Variants in CUBN observed in about 807,000 individuals in gnomAD.
CUBN encodes the protein 460 kDa receptor.
A neutral mutation model predicts 405.3 loss-of-function variants in CUBN; 282 were observed. The observed-to-expected ratio is 0.70, with a 90% confidence interval of 0.63 to 0.77. The LOEUF (loss-of-function observed/expected upper bound fraction) is 0.77. Among genes scored for constraint, CUBN ranks in the 30% least tolerant of loss-of-function variants. The pLI is 0.00. For missense variants in CUBN, 4,514 were observed against 4,475.2 expected (o/e 1.01, Z -0.25); for synonymous variants, 1,684 against 1,617.0 (o/e 1.04, Z -0.99).
At position 17,068,310 on chromosome 10, in the gene CUBN, G is replaced by C. The variant is rs773772654; in HGVS notation, c.2792-30C>G. On this transcript the variant is annotated intron_variant, in intron 20 of 66. Transcript: ENST00000377833. ...TGAAATAAAAATTATAATTACTGCA[G>C]CAAGTAACCAAGCTACCTGGATTTC... The C allele has an allele frequency of 6.3e-6, 10 of 1,596,610 alleles. No homozygotes were observed. The South Asian group carries it at 1.1e-4, about 18-fold the overall frequency.
chr10:17,044,808 C>T (rs1344654986), intron 25 of CUBN, among the ~76,000 whole-genome samples, 199 bp downstream of exon 25: 2 of 152,124 alleles, frequency 1.3e-5, no homozygotes, highest in Non-Finnish European at 2.9e-5. Context: ...ATTTTAAATA[C>T]TTAGTGTATC....
chr10:16,878,069 C>T (rs1401800404), intron 56 of CUBN, among the ~76,000 whole-genome samples: 2 of 152,194 alleles, frequency 1.3e-5, no homozygotes, highest in East Asian at 3.9e-4. Flanking sequence ...GGGCGGATCA[C>T]CTGAGTTCAG....
intron 56 of CUBN, among the ~76,000 whole-genome samples, chr10:16,885,107 T>C (rs1456992443): frequency 3.3e-5 from 5 of 152,230 alleles, no homozygotes; most frequent in African/African-American, 4.8e-5. Context: ...ACTTTTACTG[T>C]AGCTAGCGAA....
rs143903627 is a variant in CUBN, at chr10:16,891,948, T to G, written c.8599-1421A>C. ...ACAACTATCTCAAACAAGGATGTAGTTGGATGTGTATTAATCTTACTTGAC... is the reference window on the plus strand; with the variant it reads ...ACAACTATCTCAAACAAGGATGTAGGTGGATGTGTATTAATCTTACTTGAC... On this transcript the variant is annotated intron_variant, in intron 54 of 66. Coordinates refer to ENST00000377833, the MANE Select transcript of CUBN (RefSeq NM_001081.4). Among the ~76,000 whole-genome samples the G allele has an allele frequency of 9.9e-4, 151 of 152,278 alleles. 2 individuals carry two copies. The highest frequency in any genetic ancestry group is 3.5e-3 in the African/African-American group (145 of 41,544).
intron 31 of CUBN, among the ~76,000 whole-genome samples, chr10:16,966,761 T>C (rs1366350619): frequency 6.6e-6 from 1 of 152,208 alleles, no homozygotes; most frequent in Non-Finnish European, 1.5e-5. Flanking sequence ...CTTTGCTACA[T>C]TTTTAACTCC....
intron 28 of CUBN, among the ~76,000 whole-genome samples, chr10:17,004,552 A>G (rs889847666): frequency 6.6e-6 from 1 of 152,126 alleles, no homozygotes; most frequent in Non-Finnish European, 1.5e-5. Context: ...TAATGGCACC[A>G]CCATGCACCA....
At chr10:16,883,425 T>C (rs1294321918) in intron 56 of CUBN, among the ~76,000 whole-genome samples, 1 of 152,180 alleles carries the variant, frequency 6.6e-6, no homozygotes, top group Non-Finnish European at 1.5e-5. Context: ...TGCCCACTTT[T>C]TTCTAAAGTA....
In CUBN at chr10:16,998,423, CA is replaced by C. The variant is rs148069200; in HGVS notation, c.4169-7909del. On this transcript the variant is annotated intron_variant, in intron 28 of 66. Coordinates refer to ENST00000377833, the MANE Select transcript of CUBN (RefSeq NM_001081.4). The stretch of plus-strand genomic sequence containing the variant: ...AAAGCCAAAGACAGCCATCAATCAA[CA>C]GAAGCTAGAAGCAGCAAGGAAGGGT... 5.5e-3 allele frequency among the ~76,000 whole-genome samples: 837 copies of C among 152,310 alleles called. 11 individuals are homozygous for C. The highest frequency in any genetic ancestry group is 0.019 in the African/African-American group (805 of 41,562).
rs141748719 is a variant in CUBN at position 16,906,404 on chromosome 10, C to T, written c.7711G>A (p.Gly2571Ser). The T allele has an allele frequency of 9.6e-5, 154 of 1,611,552 alleles. 1 individual carries two copies. Among genetic ancestry groups the T allele is most frequent in the South Asian group, 1.6e-4 (15 of 91,016 alleles). ...SYTSSEDAVC[G>S]GSLPNTPEGN... Reference sequence around the variant, plus strand: ...TCAGGAGTATTTGGAAGAGACCCACCACACACTAAGAAAACAGAAGGCAAC... The same window carrying T: ...TCAGGAGTATTTGGAAGAGACCCACTACACACTAAGAAAACAGAAGGCAAC... Residue 2571 changes from glycine (G) to serine (S), a missense_variant, in exon 50 of 67, where the codon GGT becomes AGT. Coordinates refer to ENST00000377833, the MANE Select transcript of CUBN (RefSeq NM_001081.4).
chr10:16,916,735 T>A (rs1443988875), intron 45 of CUBN, among the ~76,000 whole-genome samples: 1 of 152,150 alleles, frequency 6.6e-6, no homozygotes, highest in East Asian at 1.9e-4. Context: ...TTATAGTGAA[T>A]CTTCAACCGC....
chr10:16,836,304 C>T lies in CUBN; in HGVS notation c.10111G>A (p.Ala3371Thr). ...ACTCCAGATTTGAAAATGACCATTGCAGTACTCATAGAAGAATAAAACACT... is the reference window on the plus strand; with the variant it reads ...ACTCCAGATTTGAAAATGACCATTGTAGTACTCATAGAAGAATAAAACACT... ...VPVFYSSMST[A>T]MVIFKSGVVN... The change falls in exon 63 of 67, where the codon GCA becomes ACA. Residue 3371 changes from alanine to threonine, a missense_variant. Ala to Thr is a moderately conservative substitution (Grantham distance 58). This residue lies in a region of CUBN where 1,186 missense variants were observed against 1,186.9 expected (regional missense o/e 1.00). Coordinates refer to ENST00000377833, the MANE Select transcript of CUBN (RefSeq NM_001081.4). 2 of 1,613,452 alleles carry T rather than the reference C, an allele frequency of 1.2e-6. No individual in the cohort carries two copies. The highest frequency in any genetic ancestry group is 1.1e-5 in the South Asian group (1 of 91,068).
At chr10:16,980,679 C>T (rs1360301546) in intron 31 of CUBN, among the ~76,000 whole-genome samples, 5 of 151,998 alleles carry the variant, frequency 3.3e-5, no homozygotes, top group South Asian at 2.1e-4. Context: ...CATCACACAC[C>T]GGTGCCTGTC....
intron 27 of CUBN, 65 bp from the exon 28 acceptor site, chr10:17,020,048 C>T (rs1261479372): frequency 1.3e-6 from 2 of 1,578,214 alleles, no homozygotes; most frequent in Non-Finnish European, 1.7e-6. Flanking sequence ...AAATCCAAGT[C>T]TACACAAGTA....
chr10:17,123,585 C>T lies in CUBN; in HGVS notation c.489+3G>A, dbSNP rs555885592. The T allele has an allele frequency of 6.2e-7, 1 of 1,607,428 alleles. No homozygotes were observed. ...ATTCTTAACCAAAGAGTAGATGACT[C>T]ACCTTCCACTGTGGGGGACAGATAC... is the stretch of plus-strand genomic sequence containing the variant. On this transcript the variant is annotated splice_donor_region_variant and intron_variant, in intron 5 of 66. Coordinates refer to ENST00000377833, the MANE Select transcript of CUBN (RefSeq NM_001081.4).
Position 16,851,230 on chromosome 10 carries a change from C to T in CUBN, c.9663+5G>A. The T allele has an allele frequency of 1.2e-6, 2 of 1,608,222 alleles. No individual in the cohort carries two copies. The highest frequency in any genetic ancestry group is 1.7e-6 in the Non-Finnish European group (2 of 1,175,132). ...GACTCTGTTAAAAAAATAAAACAGC[C>T]TTACCTTTACATAATCATAAAGGCA... On this transcript the variant is annotated splice_donor_5th_base_variant and intron_variant, in intron 60 of 66. Transcript: ENST00000377833.
Position 17,084,323 on chromosome 10 carries a change from A to T in CUBN, c.2249T>A (p.Phe750Tyr), listed in dbSNP as rs1836048061. ...CTGGCATTGCAGCTCCACGTGGGTG[A>T]AGTTGATTTGTATTTGTTCTCCCTG... ...QPQGEQIQIN[F>Y]THVELQCQSD... Residue 750 changes from phenylalanine to tyrosine, a missense_variant, in exon 17 of 67, where the codon TTC becomes TAC. By Grantham distance (22) the Phe-to-Tyr change is conservative (BLOSUM62 3). Transcript: ENST00000377833. 2 of 1,614,002 alleles carry T rather than the reference A, an allele frequency of 1.2e-6. No individual in the cohort carries two copies. The highest frequency in any genetic ancestry group is 2.7e-5 in the African/African-American group (2 of 74,902).
In CUBN at chr10:17,103,176, AC is replaced by A; in HGVS notation, c.1478del (p.Gly493ValfsTer29). The A allele has an allele frequency of 6.2e-7, 1 of 1,614,030 alleles. No homozygotes were observed. Among genetic ancestry groups the A allele is most frequent in the Non-Finnish European group, 8.5e-7 (1 of 1,179,934 alleles). The stretch of plus-strand genomic sequence containing the variant: ...AGAAGCAGTTAACATCATGAACATA[AC>A]CAACATCCGGGCTCCTGTAGCTGAA... ...GSFSYRSPDVGYVHDVNCFWV... is the reference protein window; with the variant it reads ...GSFSYRSPDVXYVHDVNCFWV... On this transcript the variant is annotated frameshift_variant, in exon 13 of 67. Transcript: ENST00000377833. LOFTEE classifies it high-confidence loss of function.
Position 17,105,440 on chromosome 10 carries a change from A to G in CUBN, c.1230+17T>C. On this transcript the variant is annotated intron_variant, in intron 11 of 66. Coordinates refer to ENST00000377833, the MANE Select transcript of CUBN (RefSeq NM_001081.4). ...TTCTCAGGTACTCTCTGTCCACAGG[A>G]AAAACAAAGGACTCACGATGCATTG... 1.4e-6 allele frequency: 2 copies of G among 1,399,376 alleles called. No individual in the cohort carries two copies. The highest frequency in any genetic ancestry group is 2.0e-6 in the Non-Finnish European group (2 of 982,666). 86.7% of individuals were successfully genotyped at this position (1,399,376 alleles called of 1,614,324 possible).
Position 16,835,212 on chromosome 10 carries a change from G to A in CUBN, c.10181-17C>T. ...TGTTGCAATCTTAGAGGAAAAATAG[G>A]CATAATTAATGTACGCATTCCAATA... On this transcript the variant is annotated splice_polypyrimidine_tract_variant and intron_variant, in intron 63 of 66. Coordinates refer to ENST00000377833, the MANE Select transcript of CUBN (RefSeq NM_001081.4). The A allele has an allele frequency of 1.2e-6, 2 of 1,600,054 alleles. No homozygotes were observed. Among genetic ancestry groups the A allele is most frequent in the Non-Finnish European group, 1.7e-6 (2 of 1,167,250 alleles).
Sources: gnomAD v4.1 joint callset for allele counts (sites outside exome capture counted in the v4.1 genomes callset) on GRCh38, gnomAD v4.1.1 for gene constraint, gnomAD v4.1.1 regional missense constraint, MANE v1.5 for transcripts, NCBI Gene and HGNC (gene_info 2026-07-23, HGNC 2026-07-21) for gene names.